Variants in CLNK observed in about 807,000 individuals in gnomAD.
CLNK encodes cytokine dependent hematopoietic cell linker, also known as cytokine-dependent hematopoietic cell linker.
Under a neutral mutation model 68.6 loss-of-function variants are expected in CLNK, and 74 were observed. The ratio of observed to expected loss-of-function variants is 1.08; its 90% confidence interval spans 0.89 to 1.31. The LOEUF is 1.31. CLNK is among the 50% of genes most tolerant of loss of function. The pLI is 0.00. For missense variants in CLNK, 553 were observed against 515.3 expected, an observed-to-expected ratio of 1.07 and a Z score of -0.71; for synonymous variants, 198 against 172.2, an observed-to-expected ratio of 1.15 and a Z score of -1.17.
Position 10,565,864 on chromosome 4 carries a change from C to A in CLNK, c.292+145G>T, listed in dbSNP as rs1720087697. ...AGAAAGAGAAAGTGGATTGGAGAGACTTTCTCAAGGTCACACAGCTAGTAA... is the reference window on the plus strand; with the variant it reads ...AGAAAGAGAAAGTGGATTGGAGAGAATTTCTCAAGGTCACACAGCTAGTAA... On this transcript the variant is annotated intron_variant, in intron 6 of 18. Coordinates refer to ENST00000226951, the MANE Select transcript of CLNK (RefSeq NM_052964.4). The A allele has an allele frequency of 1.5e-5, 12 of 819,892 alleles. No homozygotes were observed. In the East Asian group the frequency reaches 1.9e-4, roughly 13 times the overall value. The allele number at this position is 819,892 out of a possible 1,614,324, so 50.8% of individuals were successfully genotyped here. A position where few individuals can be genotyped will look rare whatever the true frequency, so the allele number is the denominator to read the frequency against.
intron 2 of CLNK, among the ~76,000 whole-genome samples, chr4:10,609,629 G>C (rs949354648): frequency 2.6e-5 from 4 of 152,228 alleles, no homozygotes; most frequent in Non-Finnish European, 5.9e-5. Flanking sequence ...AGGCAGGAAT[G>C]CCTCAAGGGA....
chr4:10,528,514 T>G (rs1718411986), intron 12 of CLNK, among the ~76,000 whole-genome samples: 1 of 152,206 alleles, frequency 6.6e-6, no homozygotes, highest in African/African-American at 2.4e-5. Context: ...GTTAAATCAC[T>G]GGAAACAATC....
chr4:10,693,626 G>A, the CLNK span, among the ~76,000 whole-genome samples: 2 of 152,320 alleles, frequency 1.3e-5, no homozygotes, highest in East Asian at 3.9e-4. Context: ...ACTCACTTCT[G>A]TTGTTGTAAA....
At position 10,622,765 on chromosome 4, in the gene CLNK, G is replaced by T. The variant is rs571664675; in HGVS notation, c.12-24716C>A. 5.3e-4 allele frequency among the ~76,000 whole-genome samples: 81 copies of T among 152,156 alleles called. 1 individual carries two copies. The highest frequency in any genetic ancestry group is 1.1e-3 in the Non-Finnish European group (78 of 68,020). On this transcript the variant is annotated intron_variant, in intron 2 of 18. Coordinates refer to ENST00000226951, the MANE Select transcript of CLNK (RefSeq NM_052964.4). ...CTGCTATAACCGAATAGCATGGACT[G>T]GGTGGTTTGAATAATAAACATTTAT...
the CLNK span, among the ~76,000 whole-genome samples, chr4:10,692,591 A>C: frequency 6.6e-6 from 1 of 152,224 alleles, no homozygotes; most frequent in Non-Finnish European, 1.5e-5. Flanking sequence ...TACAAATGCA[A>C]AATGTGGAGG....
chr4:10,686,393 C>A (rs1203643414), upstream of CLNK, among the ~76,000 whole-genome samples: 1 of 152,024 alleles, frequency 6.6e-6, no homozygotes, highest in Non-Finnish European at 1.5e-5. Flanking sequence ...CATAACAAGA[C>A]CTGATCATCT....
At chr4:10,630,639 A>G (rs1177892664) in intron 2 of CLNK, among the ~76,000 whole-genome samples, 13 of 151,802 alleles carry the variant, frequency 8.6e-5, no homozygotes, top group Admixed American at 7.2e-4. Flanking sequence ...CTTCATTCCA[A>G]TTTCCTATCT....
At chr4:10,678,191 T>C (rs1409308310) in intron 1 of CLNK, among the ~76,000 whole-genome samples, 1 of 152,230 alleles carries the variant, frequency 6.6e-6, no homozygotes, top group Non-Finnish European at 1.5e-5. Flanking sequence ...AACCCAGGTA[T>C]GCTGAATTAT....
chr4:10,692,711 AG>A, the CLNK span, among the ~76,000 whole-genome samples: 2 of 152,220 alleles, frequency 1.3e-5, no homozygotes, highest in Non-Finnish European at 2.9e-5. Context: ...GAATATTCTC[AG>A]CCACATAGTA....
intron 7 of CLNK, among the ~76,000 whole-genome samples, chr4:10,561,654 C>T (rs1719891824): frequency 6.6e-6 from 1 of 152,174 alleles, no homozygotes; most frequent in South Asian, 2.1e-4. Flanking sequence ...TTCTCATTTC[C>T]TGGCCACGCT....
intron 2 of CLNK, among the ~76,000 whole-genome samples, chr4:10,610,033 GTTTTTTTTTTTTTTTTTTTTTTTTT>G (rs71181047): frequency 4.1e-5 from 3 of 73,450 alleles, no homozygotes; most frequent in South Asian, 5.7e-4. Context: ...ATGAATGCTC[GTTTTTTTTTTTTTTTTTTTTTTTTT>G]TTTTTTTTTT....
At chr4:10,699,518 T>A in the CLNK span, among the ~76,000 whole-genome samples, 29 of 116,726 alleles carry the variant, frequency 2.5e-4, 1 homozygote, top group Admixed American at 5.0e-4. Context: ...ATATATTTTT[T>A]TTTTTTTTTT....
chr4:10,565,602 C>G (rs371242425), intron 6 of CLNK, among the ~76,000 whole-genome samples: 3 of 151,932 alleles, frequency 2.0e-5, no homozygotes, highest in African/African-American at 7.3e-5. Flanking sequence ...TCATTCTACT[C>G]CCCTCTATGC....
chr4:10,646,746 T>C (rs1257458297), intron 2 of CLNK, among the ~76,000 whole-genome samples: 2 of 152,142 alleles, frequency 1.3e-5, no homozygotes, highest in African/African-American at 2.4e-5. Flanking sequence ...TAACTGCCTA[T>C]ATTCCGCAGG....
At chr4:10,628,143 C>T (rs950837045) in intron 2 of CLNK, among the ~76,000 whole-genome samples, 3 of 152,204 alleles carry the variant, frequency 2.0e-5, no homozygotes, top group African/African-American at 7.2e-5. Context: ...GTTTATATTA[C>T]TCTAATGCCT....
At chr4:10,609,801 G>T (rs1351559771) in intron 2 of CLNK, among the ~76,000 whole-genome samples, 1 of 152,128 alleles carries the variant, frequency 6.6e-6, no homozygotes, top group Non-Finnish European at 1.5e-5. Flanking sequence ...GCATGAAGCT[G>T]GGTGGAAAAA....
intron 2 of CLNK, among the ~76,000 whole-genome samples, chr4:10,662,014 A>C (rs1046864443): frequency 6.6e-6 from 1 of 152,244 alleles, no homozygotes; most frequent in Non-Finnish European, 1.5e-5. Flanking sequence ...CAAAACAAGC[A>C]AATAGGAAAT....
chr4:10,528,330 T>C (rs1367243820), intron 12 of CLNK, among the ~76,000 whole-genome samples: 4 of 152,228 alleles, frequency 2.6e-5, no homozygotes, highest in Non-Finnish European at 5.9e-5. Context: ...GATGGGACTA[T>C]CAATTGCTTT....
chr4:10,573,350 A>T (rs996948705), intron 4 of CLNK, among the ~76,000 whole-genome samples: 1 of 152,168 alleles, frequency 6.6e-6, no homozygotes, highest in Non-Finnish European at 1.5e-5. Context: ...TCCTTGAAAT[A>T]ATGAGCTGGG....
Sources: gnomAD v4.1 joint callset for allele counts (sites outside exome capture counted in the v4.1 genomes callset) on GRCh38, gnomAD v4.1.1 for gene constraint, MANE v1.5 for transcripts, NCBI Gene and HGNC (gene_info 2026-07-23, HGNC 2026-07-21) for gene names.